The following INVS variants were observed in gnomAD, a reference collection of about 807,000 sequenced individuals.
INVS encodes the protein inversin, also known as inversion of embryo turning homolog.
A neutral mutation model predicts 108.8 loss-of-function variants in INVS; 86 were observed. That is an observed-to-expected ratio of 0.79 (90% CI 0.66 to 0.95). The LOEUF is 0.95. Among genes scored for constraint, INVS ranks in the 40% least tolerant of loss-of-function variants. The pLI, the probability that INVS is intolerant of heterozygous loss-of-function variation, is 0.00. For missense variants in INVS, 1,169 were observed against 1,297.4 expected (o/e 0.90, Z 1.52); for synonymous variants, 455 against 473.5 (o/e 0.96, Z 0.51).
At chr9:100,224,669 T>C (rs1260139878) in intron 3 of INVS, among the ~76,000 whole-genome samples, 1 of 151,852 alleles carries the variant, frequency 6.6e-6, no homozygotes, top group Non-Finnish European at 1.5e-5. Context: ...CAGGTTAGAG[T>C]GCAGTGGTGC....
intron 7 of INVS, among the ~76,000 whole-genome samples, chr9:100,245,604 A>G (rs1354352267): frequency 6.6e-6 from 1 of 152,178 alleles, no homozygotes; most frequent in Non-Finnish European, 1.5e-5. Flanking sequence ...GTATGATTCC[A>G]TAGAAGAAGG....
intron 3 of INVS, among the ~76,000 whole-genome samples, chr9:100,182,608 G>C (rs900749544): frequency 1.3e-5 from 2 of 152,088 alleles, no homozygotes; most frequent in Non-Finnish European, 2.9e-5. Flanking sequence ...TTAGAATGGC[G>C]ATCATTAAAA....
At chr9:100,227,965 C>T (rs1463283650) in intron 4 of INVS, among the ~76,000 whole-genome samples, 1 of 151,428 alleles carries the variant, frequency 6.6e-6, no homozygotes, top group East Asian at 1.9e-4. Flanking sequence ...CTACCAGATA[C>T]CAAATAAACA....
intron 3 of INVS, among the ~76,000 whole-genome samples, chr9:100,193,983 G>C (rs1412317411): frequency 6.6e-6 from 1 of 152,176 alleles, no homozygotes; most frequent in African/African-American, 2.4e-5. Flanking sequence ...TTGCCTGTTG[G>C]TGAACATTTG....
intron 7 of INVS, 100 bp from the exon 8 acceptor site, chr9:100,246,516 G>A (rs1832053364): frequency 8.8e-6 from 7 of 795,498 alleles, no homozygotes; most frequent in Non-Finnish European, 1.4e-5. Context: ...AGGGGAAAAT[G>A]CTTTGCTTCT....
chr9:100,142,153 G>A (rs986104608), intron 3 of INVS, among the ~76,000 whole-genome samples: 7 of 152,154 alleles, frequency 4.6e-5, no homozygotes, highest in South Asian at 2.1e-4. Flanking sequence ...GTTAAGCGGC[G>A]TTGAGAAGCG....
chr9:100,152,224 A>G (rs999936390), intron 3 of INVS, among the ~76,000 whole-genome samples: 8 of 136,608 alleles, frequency 5.9e-5, no homozygotes, highest in Admixed American at 2.0e-4. Context: ...TGTCTTAGTC[A>G]TCTTATTTCC....
Position 100,292,738 on chromosome 9 carries a change from C to T in INVS, c.2481C>T (p.His827=), listed in dbSNP as rs1255227194. 1 of 1,614,150 alleles carries T rather than the reference C, an allele frequency of 6.2e-7. No individual in the cohort carries two copies. The highest frequency in any genetic ancestry group is 1.1e-5 in the South Asian group (1 of 91,082). The change falls in exon 14 of 17, where the codon CAC becomes CAT. Residue 827 remains histidine, a synonymous_variant. Transcript: ENST00000262457. ...EAVHAGQNPP[H]HRTPRNKVTQ... ...TCCATGCTGGGCAGAATCCTCCCCACCATCGTACACCAAGAAACAAAGTGA... is the reference window on the plus strand; with the variant it reads ...TCCATGCTGGGCAGAATCCTCCCCATCATCGTACACCAAGAAACAAAGTGA...
chr9:100,253,808 T>G (rs552650540), intron 10 of INVS, among the ~76,000 whole-genome samples: 1 of 152,198 alleles, frequency 6.6e-6, no homozygotes, highest in Non-Finnish European at 1.5e-5. Context: ...CTTAATCCAG[T>G]CTATCATTGA....
intron 3 of INVS, among the ~76,000 whole-genome samples, chr9:100,199,204 A>G (rs1266688817): frequency 6.6e-6 from 1 of 152,036 alleles, no homozygotes; most frequent in East Asian, 1.9e-4. Flanking sequence ...CAACTTTCTT[A>G]TCACTCATTT....
intron 16 of INVS, among the ~76,000 whole-genome samples, chr9:100,300,280 G>A (rs1297203067): frequency 6.6e-6 from 1 of 152,212 alleles, no homozygotes; most frequent in Admixed American, 6.5e-5. Flanking sequence ...GAGACCCAGA[G>A]AGAGAATCTA....
Position 100,240,096 on chromosome 9 carries a change from G to C in INVS, c.652G>C (p.Asp218His). ...APTESLLNWQDYEGRTPLHFA... is the reference protein window; with the variant it reads ...APTESLLNWQHYEGRTPLHFA... ...AACAGAGTCTTTACTGAACTGGCAA[G>C]ACTACGAGGGTCGAACTCCTCTTCA... Residue 218 changes from aspartate to histidine, a missense_variant, in exon 6 of 17, where the codon GAC (aspartate) becomes CAC (histidine). Coordinates refer to ENST00000262457, the MANE Select transcript of INVS (RefSeq NM_014425.5). The C allele has an allele frequency of 2.5e-6, 4 of 1,614,170 alleles. No homozygotes were observed. In the East Asian group the frequency reaches 8.9e-5, roughly 36 times the overall value.
chr9:100,166,311 C>G (rs922322790), intron 3 of INVS, among the ~76,000 whole-genome samples: 3 of 152,102 alleles, frequency 2.0e-5, no homozygotes, highest in African/African-American at 7.2e-5. Context: ...GAGTTCAAGA[C>G]CAGCCCTGGC....
At chr9:100,198,724 C>T (rs10989012) in intron 3 of INVS, among the ~76,000 whole-genome samples, 29,209 of 151,614 alleles carry the variant, frequency 0.19, 4,486 homozygotes, top group African/African-American at 0.43. Flanking sequence ...TCCCGTGTAG[C>T]TGGGACTACG....
intron 3 of INVS, among the ~76,000 whole-genome samples, chr9:100,195,815 C>T (rs2118191941): frequency 6.6e-6 from 1 of 152,270 alleles, no homozygotes; most frequent in South Asian, 2.1e-4. Flanking sequence ...AATGTGAAAC[C>T]AACCTTGCAC....
chr9:100,191,805 G>C (rs969637441), intron 3 of INVS, among the ~76,000 whole-genome samples: 2 of 152,130 alleles, frequency 1.3e-5, no homozygotes, highest in Admixed American at 6.5e-5. Flanking sequence ...CACTTGGGTA[G>C]ACTATTTCTT....
Position 100,293,044 on chromosome 9 carries a change from G to A in INVS, c.2786+1G>A, listed in dbSNP as rs935629850. 3 of 1,612,352 alleles carry A rather than the reference G, an allele frequency of 1.9e-6. No individual in the cohort carries two copies. Among genetic ancestry groups the A allele is most frequent in the African/African-American group, 2.7e-5 (2 of 74,892 alleles). On this transcript the variant is annotated splice_donor_variant, in intron 14 of 16. Coordinates refer to ENST00000262457, the MANE Select transcript of INVS (RefSeq NM_014425.5). LOFTEE classifies it high-confidence loss of function. ...CAGTCATCCAGCGCGCCTGGCGAAG[G>A]TAGGAAAATGGGGTGCTGCCGCATC... is the stretch of plus-strand genomic sequence containing the variant.
intron 7 of INVS, among the ~76,000 whole-genome samples, chr9:100,243,221 A>G (rs1411549666): frequency 1.3e-5 from 2 of 152,206 alleles, no homozygotes; most frequent in East Asian, 3.9e-4. Context: ...AAGGCTTTGG[A>G]ACTAGAACAA....
chr9:100,154,679 G>C (rs1828916720), intron 3 of INVS, among the ~76,000 whole-genome samples: 1 of 151,892 alleles, frequency 6.6e-6, no homozygotes, highest in African/African-American at 2.4e-5. Flanking sequence ...TTATTGTTAA[G>C]AGAAAAAAGT....
Sources: allele counts gnomAD v4.1 joint callset (sites outside exome capture counted in the v4.1 genomes callset), GRCh38; gene constraint gnomAD v4.1.1; transcripts MANE v1.5; gene names NCBI Gene and HGNC (gene_info 2026-07-23, HGNC 2026-07-21).